SNTB2: variants seen among roughly 807,000 people sequenced by gnomAD.
The protein encoded by SNTB2 is beta-2-syntrophin.
A neutral mutation model predicts 46.2 loss-of-function variants in SNTB2; 34 were observed. The ratio of observed to expected loss-of-function variants is 0.74; its 90% CI spans 0.56 to 0.98. The LOEUF is 0.98. SNTB2 is among the 50% of genes least tolerant of loss of function. SNTB2 has a pLI of 0.00. For synonymous variants in SNTB2, 290 were observed against 312.6 expected (o/e 0.93, Z 0.76); for missense variants, 603 against 731.4 (o/e 0.82, Z 2.02).
At chr16:69,239,026 C>A (rs1434188205) in intron 1 of SNTB2, among the ~76,000 whole-genome samples, 1 of 152,090 alleles carries the variant, frequency 6.6e-6, no homozygotes, top group Non-Finnish European at 1.5e-5. Context: ...CTACTCTGTC[C>A]CCCTCACTTA....
At chr16:69,284,290 G>A in intron 5 of SNTB2, 46 bp downstream of exon 5, 1 of 1,493,492 alleles carries the variant, frequency 6.7e-7, no homozygotes, top group Non-Finnish European at 9.1e-7. Context: ...AAATAGAACT[G>A]TTATATAGTC....
intron 1 of SNTB2, among the ~76,000 whole-genome samples, chr16:69,196,370 CTTTT>C (rs1336841687): frequency 6.8e-6 from 1 of 147,914 alleles, no homozygotes; most frequent in Non-Finnish European, 1.5e-5. Flanking sequence ...TTTTTCTTTT[CTTTT>C]TCTTTTTTTT....
chr16:69,226,093 A>G (rs1433130469), intron 1 of SNTB2, among the ~76,000 whole-genome samples: 1 of 151,110 alleles, frequency 6.6e-6, no homozygotes, highest in East Asian at 1.9e-4. Flanking sequence ...ATTTTTCGAG[A>G]AGGAGTCTCA....
chr16:69,276,474 T>G (rs949964025), intron 4 of SNTB2, among the ~76,000 whole-genome samples: 2 of 152,246 alleles, frequency 1.3e-5, no homozygotes, highest in African/African-American at 4.8e-5. Context: ...ATGTCTGTTT[T>G]GGGATTAGCA....
intron 1 of SNTB2, among the ~76,000 whole-genome samples, chr16:69,235,115 A>G (rs916163044): frequency 6.6e-6 from 1 of 151,272 alleles, no homozygotes; most frequent in Admixed American, 6.6e-5. Context: ...GTTTCAAGCA[A>G]TGCTCTTTGC....
chr16:69,285,198 C>G (rs907802423), intron 5 of SNTB2, among the ~76,000 whole-genome samples: 2 of 152,112 alleles, frequency 1.3e-5, no homozygotes, highest in Non-Finnish European at 2.9e-5. Flanking sequence ...TTGTGCCAGA[C>G]TTAAAAATGT....
intron 1 of SNTB2, chr16:69,235,596 A>T (rs549439741): frequency 1.0e-6 from 1 of 996,160 alleles, no homozygotes; most frequent in African/African-American, 1.7e-5. Flanking sequence ...GGAGGGGGGA[A>T]CTAAAAGGAA....
At chr16:69,265,831 A>G (rs748705377) in intron 3 of SNTB2, among the ~76,000 whole-genome samples, 21 of 129,868 alleles carry the variant, frequency 1.6e-4, no homozygotes, top group Admixed American at 3.7e-4. Context: ...CGTGCCAAAG[A>G]AAAAAAAAAA....
chr16:69,206,947 A>C (rs1401677856), intron 1 of SNTB2, among the ~76,000 whole-genome samples: 1 of 150,116 alleles, frequency 6.7e-6, no homozygotes, highest in Non-Finnish European at 1.5e-5. Context: ...TTGTATTTTT[A>C]GTAGAGATGG....
intron 1 of SNTB2, among the ~76,000 whole-genome samples, chr16:69,238,568 A>G (rs985034143): frequency 6.6e-6 from 1 of 152,032 alleles, no homozygotes; most frequent in African/African-American, 2.4e-5. Context: ...GCCTACACCC[A>G]TTTCCTGAAC....
At chr16:69,254,102 A>T (rs1380216511) in intron 2 of SNTB2, among the ~76,000 whole-genome samples, 1 of 152,060 alleles carries the variant, frequency 6.6e-6, no homozygotes, top group Non-Finnish European at 1.5e-5. Context: ...GTCCCTCTAG[A>T]AAATAGTCAG....
At chr16:69,257,515 C>T (rs532789715) in intron 2 of SNTB2, among the ~76,000 whole-genome samples, 59 of 151,874 alleles carry the variant, frequency 3.9e-4, no homozygotes, top group Admixed American at 2.5e-3. Context: ...GGCATGATCT[C>T]GGCTCACTGC....
chr16:69,292,402 ATATATTATATATATATT>A (rs1965176467), intron 5 of SNTB2, among the ~76,000 whole-genome samples: 2 of 23,004 alleles, frequency 8.7e-5, no homozygotes, highest in East Asian at 1.5e-3. Flanking sequence ...ATATATATAT[ATATATTATATATATATT>A]ATATATATAT....
At chr16:69,255,913 C>T (rs980277112) in intron 2 of SNTB2, among the ~76,000 whole-genome samples, 4 of 150,978 alleles carry the variant, frequency 2.6e-5, no homozygotes, top group African/African-American at 7.3e-5. Flanking sequence ...TGGGGGGCGA[C>T]GCAGTGGCTC....
intron 1 of SNTB2, among the ~76,000 whole-genome samples, chr16:69,231,392 C>A (rs904721500): frequency 2.6e-4 from 39 of 151,996 alleles, no homozygotes; most frequent in African/African-American, 9.4e-4. Flanking sequence ...AGATGGAGAC[C>A]AGCCTGGCCA....
intron 4 of SNTB2, among the ~76,000 whole-genome samples, chr16:69,282,633 C>T (rs1355620447): frequency 1.4e-5 from 2 of 143,088 alleles, no homozygotes; most frequent in East Asian, 3.9e-4. Flanking sequence ...TACAAAATAA[C>T]TTGCTGGGAT....
rs1965313440 is a variant in SNTB2 at position 69,306,031 on chromosome 16, C to T, written c.*5107C>T. On this transcript the variant is annotated 3_prime_UTR_variant, in exon 7 of 7. Transcript: ENST00000336278. ...AGGGTTCTGTATTTTTGAGCAATAT[C>T]ATTATTCCTATGCTGTGATGTTAAA... 6.6e-6 allele frequency: 1 copy of T among 152,052 alleles called. No individual in the cohort carries two copies. Among genetic ancestry groups the T allele is most frequent in the Non-Finnish European group, 1.5e-5 (1 of 68,028 alleles). 9.4% of individuals were successfully genotyped at this position (152,052 alleles called of 1,614,324 possible).
rs193108903 is a variant in SNTB2 at position 69,279,487 on chromosome 16, A to G, written c.1149-4561A>G. Among the ~76,000 whole-genome samples, 9 of 130,254 alleles carry G rather than the reference A, an allele frequency of 6.9e-5. No homozygotes were observed. In the East Asian group the frequency reaches 2.2e-3, roughly 32 times the overall value. The allele number at this position is 130,254 out of a possible 152,430, so 85.5% of individuals were successfully genotyped here. A position where few individuals can be genotyped will look rare whatever the true frequency, so the allele number is the denominator to read the frequency against. On this transcript the variant is annotated intron_variant, in intron 4 of 6. Coordinates refer to ENST00000336278, the MANE Select transcript of SNTB2 (RefSeq NM_006750.4). ...AAGATCTTGTTTTGAGATCTTTTGG[A>G]TATATACCAAGAAGTGGGTCCTTTG...
chr16:69,219,617 A>G (rs985225958), intron 1 of SNTB2, among the ~76,000 whole-genome samples: 2 of 152,232 alleles, frequency 1.3e-5, no homozygotes, highest in Non-Finnish European at 1.5e-5. Flanking sequence ...GGCAGTGAAT[A>G]TGATTCTAGT....
Sources: gnomAD v4.1 joint callset for allele counts (sites outside exome capture counted in the v4.1 genomes callset) on GRCh38, gnomAD v4.1.1 for gene constraint, MANE v1.5 for transcripts, NCBI Gene and HGNC (gene_info 2026-07-23, HGNC 2026-07-21) for gene names.